The following RXRG variants were observed in gnomAD, a reference collection of about 807,000 sequenced individuals.
RXRG encodes retinoid X receptor gamma, also known as retinoic acid receptor RXR-gamma.
Under a neutral mutation model 49.2 loss-of-function variants are expected in RXRG, and 19 were observed. That is an observed-to-expected ratio of 0.39 (90% CI 0.27 to 0.57). The LOEUF is 0.57. Among genes scored for constraint, RXRG ranks in the 20% least tolerant of loss-of-function variants. RXRG has a pLI of 0.64. For missense variants in RXRG, 452 were observed against 592.5 expected (o/e 0.76, Z 2.46); for synonymous variants, 224 against 216.6 (o/e 1.03, Z -0.30).
At chr1:165,442,553 CA>C (rs1338005829) in intron 1 of RXRG, among the ~76,000 whole-genome samples, 1 of 152,168 alleles carries the variant, frequency 6.6e-6, no homozygotes, top group African/African-American at 2.4e-5. Flanking sequence ...AGAGCCCCCA[CA>C]ATTATGAAAA....
chr1:165,435,287 G>A (rs1028394555), intron 1 of RXRG, among the ~76,000 whole-genome samples: 8 of 152,264 alleles, frequency 5.3e-5, no homozygotes, highest in Admixed American at 2.6e-4. Context: ...TATGTGCCAC[G>A]CACCCTTCCA....
intron 2 of RXRG, among the ~76,000 whole-genome samples, chr1:165,421,452 A>G (rs1658309811): frequency 1.3e-5 from 2 of 151,494 alleles, no homozygotes; most frequent in African/African-American, 4.9e-5. Flanking sequence ...GGGGGCTTTG[A>G]AAAAAAACAT....
chr1:165,434,491 C>T (rs71519268), intron 1 of RXRG, among the ~76,000 whole-genome samples: 111 of 152,212 alleles, frequency 7.3e-4, no homozygotes, highest in Non-Finnish European at 1.4e-3. Context: ...GTTTCCACCC[C>T]TTTGCTGCTG....
chr1:165,418,970 G>A (rs1466984398), intron 3 of RXRG, among the ~76,000 whole-genome samples: 1 of 152,220 alleles, frequency 6.6e-6, no homozygotes, highest in Non-Finnish European at 1.5e-5. Flanking sequence ...GGCTTTGGTG[G>A]CATTAAGAGT....
At chr1:165,403,330 C>G (rs1657644768) in intron 9 of RXRG, among the ~76,000 whole-genome samples, 1 of 152,188 alleles carries the variant, frequency 6.6e-6, no homozygotes, top group Non-Finnish European at 1.5e-5. Flanking sequence ...GTCACTGTGG[C>G]CCTAAGTCAG....
At chr1:165,435,617 T>G (rs185725409) in intron 1 of RXRG, among the ~76,000 whole-genome samples, 80 of 152,360 alleles carry the variant, frequency 5.3e-4, no homozygotes, top group Non-Finnish European at 1.0e-3. Flanking sequence ...ATTCTTACCC[T>G]ATGCTCTTCA....
intron 2 of RXRG, among the ~76,000 whole-genome samples, chr1:165,421,953 G>A (rs1658334510): frequency 6.6e-6 from 1 of 152,178 alleles, no homozygotes; most frequent in Non-Finnish European, 1.5e-5. Flanking sequence ...ACAGAGATTA[G>A]CACTTGGATC....
chr1:165,410,594 C>A, intron 6 of RXRG, 108 bp downstream of exon 6: 1 of 1,255,342 alleles, frequency 8.0e-7, no homozygotes, highest in Non-Finnish European at 1.1e-6. Flanking sequence ...TCATCATCAG[C>A]ATGGTACATA....
At chr1:165,421,116 C>T (rs912474953) in intron 2 of RXRG, among the ~76,000 whole-genome samples, 3 of 152,158 alleles carry the variant, frequency 2.0e-5, no homozygotes, top group Admixed American at 2.0e-4. Context: ...ACAATAGAGC[C>T]TAAGCTAGGT....
At chr1:165,425,990 G>T (rs745934006) in intron 2 of RXRG, among the ~76,000 whole-genome samples, 2 of 152,258 alleles carry the variant, frequency 1.3e-5, no homozygotes, top group Non-Finnish European at 2.9e-5. Context: ...AGGGCTGCAA[G>T]CCAGGGGACA....
At chr1:165,411,146 G>A in intron 4 of RXRG, 37 bp from the exon 5 acceptor site, 3 of 1,599,208 alleles carry the variant, frequency 1.9e-6, no homozygotes, top group East Asian at 2.2e-5. Flanking sequence ...TTACCATAAT[G>A]CCCAGGACAA....
intron 9 of RXRG, among the ~76,000 whole-genome samples, chr1:165,402,381 C>T (rs150674932): frequency 2.8e-4 from 42 of 152,298 alleles, no homozygotes; most frequent in Middle Eastern, 6.8e-3. Context: ...CCACCGCACC[C>T]GGCCAATTGT....
chr1:165,430,454 A>G (rs548461801), intron 1 of RXRG, among the ~76,000 whole-genome samples: 14 of 152,334 alleles, frequency 9.2e-5, no homozygotes, highest in Admixed American at 5.9e-4. Flanking sequence ...TTAAACGTAA[A>G]TATTCCACTG....
Position 165,413,971 on chromosome 1 carries a change from T to C in RXRG, c.623-2862A>G, listed in dbSNP as rs55635846. Among the ~76,000 whole-genome samples the C allele has an allele frequency of 4.2e-3, 641 of 152,370 alleles. 3 individuals are homozygous for C. The highest frequency in any genetic ancestry group is 0.014 in the African/African-American group (602 of 41,584). On this transcript the variant is annotated intron_variant, in intron 4 of 9. Transcript: ENST00000359842. Reference sequence around the variant, plus strand: ...CATCTCTTTATCTGTGTGATTTCCATGGTCTCTCTGTTATCTGCTCCAGGA... The same window carrying C: ...CATCTCTTTATCTGTGTGATTTCCACGGTCTCTCTGTTATCTGCTCCAGGA...
chr1:165,431,899 GCT>G (rs2101738727), intron 1 of RXRG, among the ~76,000 whole-genome samples: 1 of 152,250 alleles, frequency 6.6e-6, no homozygotes, highest in African/African-American at 2.4e-5. Context: ...GAGGGACTGA[GCT>G]CTCATTTCTT....
intron 1 of RXRG, among the ~76,000 whole-genome samples, chr1:165,440,308 A>G (rs1424106376): frequency 6.6e-6 from 1 of 152,210 alleles, no homozygotes; most frequent in Non-Finnish European, 1.5e-5. Flanking sequence ...AATGGGGGTA[A>G]TAAAACTACC....
chr1:165,420,983 T>A (rs1313016059), intron 2 of RXRG, among the ~76,000 whole-genome samples: 1 of 152,246 alleles, frequency 6.6e-6, no homozygotes, highest in African/African-American at 2.4e-5. Flanking sequence ...CCATGGTTTG[T>A]CTGAATTTTG....
intron 4 of RXRG, 48 bp from the exon 5 acceptor site, chr1:165,411,157 C>A: frequency 6.3e-7 from 1 of 1,581,766 alleles, no homozygotes; most frequent in South Asian, 1.2e-5. Context: ...CCCAGGACAA[C>A]AGTGGGAAAG....
At position 165,410,693 on chromosome 1, in the gene RXRG, G is replaced by A. The variant is rs921794134; in HGVS notation, c.913+9C>T. The A allele has an allele frequency of 6.2e-7, 1 of 1,613,438 alleles. No individual in the cohort carries two copies. The highest frequency in any genetic ancestry group is 1.3e-5 in the African/African-American group (1 of 75,022). On this transcript the variant is annotated intron_variant, in intron 6 of 9. Transcript: ENST00000359842. ...TGTCCCAGGAAAAAAGGCAGCCAAT[G>A]TGCTTTACCTGCCCGAAGCAAAATG...
Sources: allele counts gnomAD v4.1 joint callset (sites outside exome capture counted in the v4.1 genomes callset), GRCh38; gene constraint gnomAD v4.1.1; transcripts MANE v1.5; gene names NCBI Gene and HGNC (gene_info 2026-07-23, HGNC 2026-07-21).